CRB1: variants seen among roughly 807,000 people sequenced by gnomAD.
The protein encoded by CRB1 is crumbs cell polarity complex component 1.
A neutral mutation model predicts 120.0 loss-of-function variants in CRB1; 83 were observed. The ratio of observed to expected loss-of-function variants is 0.69; its 90% CI spans 0.58 to 0.83. The LOEUF (loss-of-function observed/expected upper bound fraction) is 0.83. Among genes scored for constraint, CRB1 ranks in the 40% least tolerant of loss-of-function variants. The probability of loss-of-function intolerance (pLI) is 0.00; values close to 1 mark genes in which losing one functional copy is unlikely to be tolerated. For synonymous variants in CRB1, 625 were observed against 612.5 expected, an observed-to-expected ratio of 1.02 and a Z score of -0.30; for missense variants, 1,699 against 1,687.6, an observed-to-expected ratio of 1.01 and a Z score of -0.12.
At chr1:197,359,215 C>G (rs1660647947) in intron 5 of CRB1, among the ~76,000 whole-genome samples, 1 of 152,138 alleles carries the variant, frequency 6.6e-6, no homozygotes, top group African/African-American at 2.4e-5. Flanking sequence ...CACAAGGATG[C>G]CACCTCTCTC....
chr1:197,409,607 A>G (rs974557636), intron 5 of CRB1, among the ~76,000 whole-genome samples: 1 of 152,130 alleles, frequency 6.6e-6, no homozygotes, highest in Non-Finnish European at 1.5e-5. Context: ...TAGAGAACAA[A>G]TGACTTATCT....
intron 5 of CRB1, among the ~76,000 whole-genome samples, chr1:197,380,632 A>C (rs1661904245): frequency 6.6e-6 from 1 of 152,322 alleles, no homozygotes; most frequent in African/African-American, 2.4e-5. Flanking sequence ...AATGAGAGAC[A>C]CAAGCACCAA....
Position 197,442,304 on chromosome 1 carries a change from C to T in CRB1, c.4005+12C>T, listed in dbSNP as rs1665490664. 1.9e-6 allele frequency: 3 copies of T among 1,614,062 alleles called. No homozygotes were observed. Among genetic ancestry groups the T allele is most frequent in the Non-Finnish European group, 8.5e-7 (1 of 1,180,036 alleles). Reference sequence around the variant, plus strand: ...GCTGCGAGGTGGACGTAAGCAGCCTCTCCTTTTATGTCTCTCTCTTATTCT... The same window carrying T: ...GCTGCGAGGTGGACGTAAGCAGCCTTTCCTTTTATGTCTCTCTCTTATTCT... On this transcript the variant is annotated intron_variant, in intron 11 of 11. Coordinates refer to ENST00000367400, the MANE Select transcript of CRB1 (RefSeq NM_201253.3).
intron 6 of CRB1, chr1:197,422,766 G>T (rs1664401040): frequency 6.6e-6 from 1 of 152,048 alleles, no homozygotes. Context: ...AGAGGTAATT[G>T]TAACGGACTG....
intron 1 of CRB1, among the ~76,000 whole-genome samples, chr1:197,324,112 A>G (rs1299974606): frequency 6.6e-6 from 1 of 152,156 alleles, no homozygotes; most frequent in Non-Finnish European, 1.5e-5. Flanking sequence ...GGCCAAAACC[A>G]ATCTTCTTAC....
At chr1:197,350,118 A>C (rs1212887609) in intron 4 of CRB1, among the ~76,000 whole-genome samples, 1 of 152,002 alleles carries the variant, frequency 6.6e-6, no homozygotes, top group African/African-American at 2.4e-5. Context: ...AAAAAAAAAA[A>C]AAAAAACCTG....
At chr1:197,465,234 T>C (rs180697053) in intron 11 of CRB1, among the ~76,000 whole-genome samples, 32 of 152,178 alleles carry the variant, frequency 2.1e-4, no homozygotes, top group African/African-American at 7.2e-4. Flanking sequence ...TTTAAACTAA[T>C]AGGAAAATGC....
chr1:197,254,319 G>A, the CRB1 span, among the ~76,000 whole-genome samples: 30 of 152,070 alleles, frequency 2.0e-4, no homozygotes, highest in African/African-American at 6.7e-4. Context: ...CAGAATCTAT[G>A]CAATCATTAT....
chr1:197,327,125 A>AAAAAAAAAAAAC (rs1558055719), intron 1 of CRB1, among the ~76,000 whole-genome samples: 1 of 148,656 alleles, frequency 6.7e-6, no homozygotes, highest in Non-Finnish European at 1.5e-5. Flanking sequence ...AAAAAAAAAA[A>AAAAAAAAAAAAC]AAAAAAACAG....
intron 5 of CRB1, chr1:197,357,479 C>CT (rs77569447): frequency 0.57 from 108,250 of 188,940 alleles, 34,184 homozygotes; most frequent in South Asian, 0.76. Context: ...TTAAATTACT[C>CT]TTTTTTTTTC....
intron 11 of CRB1, among the ~76,000 whole-genome samples, chr1:197,472,496 G>A (rs893434990): frequency 3.9e-5 from 6 of 152,086 alleles, no homozygotes; most frequent in Admixed American, 3.9e-4. Context: ...GGGAATGTGA[G>A]GTTACATTTT....
At chr1:197,455,881 C>T (rs946865440) in intron 11 of CRB1, among the ~76,000 whole-genome samples, 17 of 151,804 alleles carry the variant, frequency 1.1e-4, no homozygotes, top group African/African-American at 3.1e-4. Context: ...TCATGTAAAC[C>T]GTAGAAATAT....
At chr1:197,429,213 A>G (rs1158244113) in intron 7 of CRB1, 42 of 1,489,612 alleles carry the variant, frequency 2.8e-5, no homozygotes, top group Middle Eastern at 1.9e-4. Context: ...TCCTTGTGCT[A>G]TGGATCAATT....
intron 5 of CRB1, among the ~76,000 whole-genome samples, chr1:197,412,693 A>G (rs1040171071): frequency 3.9e-5 from 6 of 152,152 alleles, no homozygotes; most frequent in Non-Finnish European, 7.3e-5. Context: ...CCACTACTAT[A>G]AGCTTGGATA....
the CRB1 span, among the ~76,000 whole-genome samples, chr1:197,242,600 T>C: frequency 6.6e-5 from 10 of 152,184 alleles, no homozygotes. Flanking sequence ...TGAGGATTTT[T>C]GCATTGATGT....
At chr1:197,260,893 C>A in the CRB1 span, among the ~76,000 whole-genome samples, 1 of 152,062 alleles carries the variant, frequency 6.6e-6, no homozygotes. Context: ...GATAGGGTTT[C>A]ACCATATTGG....
chr1:197,244,836 T>A, the CRB1 span, among the ~76,000 whole-genome samples: 2 of 151,962 alleles, frequency 1.3e-5, no homozygotes, highest in East Asian at 3.9e-4. Flanking sequence ...GTCCCACAGA[T>A]TCCTTATGCT....
intron 4 of CRB1, among the ~76,000 whole-genome samples, chr1:197,349,392 A>T (rs558394117): frequency 1.3e-5 from 2 of 152,182 alleles, no homozygotes; most frequent in Non-Finnish European, 2.9e-5. Context: ...TCTAATTCTC[A>T]TTAGGATTTT....
At chr1:197,367,113 T>C (rs1661118428) in intron 5 of CRB1, among the ~76,000 whole-genome samples, 1 of 152,200 alleles carries the variant, frequency 6.6e-6, no homozygotes, top group South Asian at 2.1e-4. Flanking sequence ...TGTAGTTGAA[T>C]AATACTATTC....
Sources: gnomAD v4.1 joint callset for allele counts (sites outside exome capture counted in the v4.1 genomes callset) on GRCh38, gnomAD v4.1.1 for gene constraint, MANE v1.5 for transcripts, NCBI Gene and HGNC (gene_info 2026-07-23, HGNC 2026-07-21) for gene names.